Variants in C5AR1 observed in about 807,000 individuals in gnomAD.
C5AR1 encodes complement C5a receptor 1, also known as C5a anaphylatoxin chemotactic receptor 1.
A neutral mutation model predicts 2.4 loss-of-function variants in C5AR1; 4 were observed. The observed-to-expected ratio is 1.65, with a 90% confidence interval of 0.81 to 3.77. C5AR1 has a LOEUF of 3.77. C5AR1 is among the 30% of genes most tolerant of loss of function. C5AR1 has a pLI of 0.01. For synonymous variants in C5AR1, 209 were observed against 210.4 expected, an observed-to-expected ratio of 0.99 and a Z score of 0.06; for missense variants, 418 against 462.5, an observed-to-expected ratio of 0.90 and a Z score of 0.88.
At position 47,309,879 on chromosome 19, in the gene C5AR1, G is replaced by A. The variant is rs748383249; in HGVS notation, c.-17G>A. 45 of 1,612,422 alleles carry A rather than the reference G, an allele frequency of 2.8e-5. No individual in the cohort carries two copies. Among genetic ancestry groups the A allele is most frequent in the Non-Finnish European group, 3.4e-6 (4 of 1,179,240 alleles). On this transcript the variant is annotated 5_prime_UTR_variant, in exon 1 of 2. Coordinates refer to ENST00000355085, the MANE Select transcript of C5AR1 (RefSeq NM_001736.4). ...AGGAGGGACCTTCGATCCTCGGGGA[G>A]CCCAGGAGACCAGAACATGGTGAGT...
Position 47,316,815 on chromosome 19 carries a change from C to T in C5AR1, c.4-2966C>T, listed in dbSNP as rs1178276168. Among the ~76,000 whole-genome samples the T allele has an allele frequency of 3.3e-5, 5 of 151,838 alleles. No homozygotes were observed. In the South Asian group the frequency reaches 6.2e-4, roughly 19 times the overall value. The stretch of plus-strand genomic sequence containing the variant: ...TAATTTACTCATGGATATGATTCCA[C>T]CAGTAAATGCCCACTGCCCATAGCC... On this transcript the variant is annotated intron_variant, in intron 1 of 1. Coordinates refer to ENST00000355085, the MANE Select transcript of C5AR1 (RefSeq NM_001736.4).
At chr19:47,307,828 T>C (rs992083669), upstream of C5AR1, 6 of 151,964 alleles carry the variant, frequency 3.9e-5, no homozygotes, top group Non-Finnish European at 2.9e-5. Context: ...GGCAGGTGAG[T>C]AAGTGAAGCT....
At chr19:47,317,076 C>T (rs992492647) in intron 1 of C5AR1, among the ~76,000 whole-genome samples, 3 of 150,850 alleles carry the variant, frequency 2.0e-5, no homozygotes, top group Non-Finnish European at 4.4e-5. Context: ...AATTGTAGTC[C>T]TAGCTACTCA....
At chr19:47,319,355 C>T (rs2059300580) in intron 1 of C5AR1, among the ~76,000 whole-genome samples, 2 of 118,404 alleles carry the variant, frequency 1.7e-5, no homozygotes, top group Admixed American at 2.3e-4. Context: ...GTCACCTAAG[C>T]TGGAGTGCAA....
rs2059302959 is a variant in C5AR1 at position 47,319,940 on chromosome 19, A to G, written c.163A>G (p.Asn55Asp). 6.2e-7 allele frequency: 1 copy of G among 1,614,108 alleles called. No homozygotes were observed. The highest frequency in any genetic ancestry group is 1.3e-5 in the African/African-American group (1 of 74,928). ...CGTCTTCCTGGTGGGAGTGCTGGGC[A>G]ATGCCCTGGTGGTCTGGGTGACGGC... The part of the protein sequence containing the change: ...AVVFLVGVLG[N>D]ALVVWVTAFE... Residue 55 changes from asparagine to aspartate, a missense_variant, in exon 2 of 2, where the codon AAT becomes GAT. Physicochemically the swap from Asn to Asp is conservative, Grantham distance 23 (BLOSUM62 1). Transcript: ENST00000355085.
At position 47,310,506 on chromosome 19, in the gene C5AR1, T is replaced by C. The variant is rs192310642; in HGVS notation, c.3+608T>C. ...CTTGCAGATAGATGTTCTTTTCTTTTTCGACTTGGGGTCTTGCACTGTTGC... is the reference window on the plus strand; with the variant it reads ...CTTGCAGATAGATGTTCTTTTCTTTCTCGACTTGGGGTCTTGCACTGTTGC... On this transcript the variant is annotated intron_variant, in intron 1 of 1. Coordinates refer to ENST00000355085, the MANE Select transcript of C5AR1 (RefSeq NM_001736.4). 6.5e-3 allele frequency among the ~76,000 whole-genome samples: 988 copies of C among 152,304 alleles called. 12 individuals are homozygous for C. The highest frequency in any genetic ancestry group is 0.023 in the African/African-American group (938 of 41,570).
intron 1 of C5AR1, among the ~76,000 whole-genome samples, chr19:47,313,387 C>T (rs1339642119): frequency 6.6e-6 from 1 of 152,090 alleles, no homozygotes; most frequent in East Asian, 1.9e-4. Flanking sequence ...CTTCCTCTCT[C>T]CTTTCTGCCT....
At chr19:47,316,492 G>A (rs2059289079) in intron 1 of C5AR1, 1 of 150,584 alleles carries the variant, frequency 6.6e-6, no homozygotes, top group Non-Finnish European at 1.5e-5. Context: ...CAAGGCTGGA[G>A]TGCATTGGCA....
At chr19:47,308,670 C>T (rs1425324298), upstream of C5AR1, among the ~76,000 whole-genome samples, 1 of 151,948 alleles carries the variant, frequency 6.6e-6, no homozygotes, top group Non-Finnish European at 1.5e-5. Context: ...ATTCTCCTGC[C>T]TCAGCCTTCT....
intron 1 of C5AR1, 44 bp from the exon 2 acceptor site, chr19:47,319,737 A>G (rs779694046): frequency 1.5e-6 from 2 of 1,312,260 alleles, no homozygotes; most frequent in Middle Eastern, 1.9e-4. Flanking sequence ...ACCCGGGCAC[A>G]TGTCTGCAGA....
At chr19:47,308,215 A>G (rs1268344842), upstream of C5AR1, among the ~76,000 whole-genome samples, 4 of 148,790 alleles carry the variant, frequency 2.7e-5, no homozygotes, top group African/African-American at 9.9e-5. Context: ...TCCATCTCAA[A>G]AAAAAAAAAA....
At position 47,315,646 on chromosome 19, in the gene C5AR1, C is replaced by T. The variant is rs552909015; in HGVS notation, c.4-4135C>T. Reference sequence around the variant, plus strand: ...AGTGCAGAGGTCCCCTGGGCAGGGTCTAGGGCCTCCTGCTGCACCTAGCAT... The same window carrying T: ...AGTGCAGAGGTCCCCTGGGCAGGGTTTAGGGCCTCCTGCTGCACCTAGCAT... On this transcript the variant is annotated intron_variant, in intron 1 of 1. Transcript: ENST00000355085. Among the ~76,000 whole-genome samples the T allele has an allele frequency of 4.8e-4, 73 of 152,192 alleles. 1 individual carries two copies. The South Asian group carries it at 0.013, about 27-fold the overall frequency.
chr19:47,311,176 C>A (rs1226414102), intron 1 of C5AR1, among the ~76,000 whole-genome samples: 2 of 148,826 alleles, frequency 1.3e-5, no homozygotes, highest in South Asian at 2.1e-4. Context: ...TTTTTTTTTT[C>A]TTTCCAAAAC....
chr19:47,316,011 TA>T (rs573873008), intron 1 of C5AR1, among the ~76,000 whole-genome samples: 3 of 6,586 alleles, frequency 4.6e-4, no homozygotes, highest in African/African-American at 3.8e-3. Context: ...GTTATCTAGC[TA>T]TTTTTTTTTT....
intron 1 of C5AR1, 74 bp from the exon 2 acceptor site, chr19:47,319,707 C>G (rs2059301676): frequency 2.1e-6 from 2 of 952,852 alleles, no homozygotes; most frequent in African/African-American, 1.6e-5. Context: ...AAGCCACATG[C>G]CTGAGCCAGG....
chr19:47,313,755 AAG>A (rs1025521130), intron 1 of C5AR1, among the ~76,000 whole-genome samples: 1 of 150,952 alleles, frequency 6.6e-6, no homozygotes, highest in African/African-American at 2.4e-5. Flanking sequence ...AAAAAAAAAA[AAG>A]AGAGAGAGGG....
intron 1 of C5AR1, among the ~76,000 whole-genome samples, chr19:47,315,645 T>A (rs2059284800): frequency 6.6e-6 from 1 of 152,004 alleles, no homozygotes; most frequent in Non-Finnish European, 1.5e-5. Context: ...CTGGGCAGGG[T>A]CTAGGGCCTC....
rs1349958494 is a variant in C5AR1, at chr19:47,321,010, C to G, written c.*180C>G. ...CAGCGGGACTCTTCTCATCCTTCCTCATTTGCAAGGTGAACACTTCCTTCT... is the reference window on the plus strand; with the variant it reads ...CAGCGGGACTCTTCTCATCCTTCCTGATTTGCAAGGTGAACACTTCCTTCT... On this transcript the variant is annotated 3_prime_UTR_variant, in exon 2 of 2. Coordinates refer to ENST00000355085, the MANE Select transcript of C5AR1 (RefSeq NM_001736.4). 4 of 559,706 alleles carry G rather than the reference C, an allele frequency of 7.1e-6. No individual in the cohort carries two copies. In the African/African-American group the frequency reaches 7.6e-5, roughly 11 times the overall value. 34.7% of individuals were successfully genotyped at this position (559,706 alleles called of 1,614,324 possible).
In C5AR1 at chr19:47,319,989, A is replaced by G. The variant is rs200630111; in HGVS notation, c.212A>G (p.Asn71Ser). The G allele has an allele frequency of 1.8e-4, 288 of 1,614,222 alleles. No individual in the cohort carries two copies. The South Asian group carries it at 2.9e-3, about 16-fold the overall frequency. The change falls in exon 2 of 2, where the codon AAT (asparagine) becomes AGT (serine). Residue 71 changes from asparagine to serine, a missense_variant. Asn to Ser is a conservative substitution (Grantham distance 46). Transcript: ENST00000355085. ...GCATTCGAGGCCAAGCGGACCATCA[A>G]TGCCATCTGGTTCCTCAACTTGGCG... ...VTAFEAKRTINAIWFLNLAVA... is the reference protein window; with the variant it reads ...VTAFEAKRTISAIWFLNLAVA...
Sources: allele counts gnomAD v4.1 joint callset (sites outside exome capture counted in the v4.1 genomes callset), GRCh38; gene constraint gnomAD v4.1.1; transcripts MANE v1.5; gene names NCBI Gene and HGNC (gene_info 2026-07-23, HGNC 2026-07-21).